The following GCNT1 variants were observed in gnomAD, a reference collection of about 807,000 sequenced individuals.
GCNT1 encodes the protein glucosaminyl (N-acetyl) transferase 1.
Under a neutral mutation model 26.2 loss-of-function variants are expected in GCNT1, and 16 were observed. The observed-to-expected ratio is 0.61, with a 90% CI of 0.41 to 0.93. GCNT1 has a LOEUF of 0.93. GCNT1 is among the 40% of genes least tolerant of loss of function. The pLI is 0.00. For synonymous variants in GCNT1, 183 were observed against 190.8 expected (o/e 0.96, Z 0.34); for missense variants, 477 against 526.7 (o/e 0.91, Z 0.92).
At chr9:76,456,534 A>G (rs1391242891), upstream of GCNT1, among the ~76,000 whole-genome samples, 10 of 152,160 alleles carry the variant, frequency 6.6e-5, no homozygotes, top group African/African-American at 4.8e-5. Context: ...TGCCTTGCCA[A>G]TCTTCATGAC....
chr9:76,427,194 A>G (rs960508324), intron 1 of GCNT1, among the ~76,000 whole-genome samples: 1 of 125,572 alleles, frequency 8.0e-6, no homozygotes, highest in African/African-American at 3.0e-5. Context: ...AATTCTGCCA[A>G]CACCTTTTTT....
chr9:76,430,654 G>C (rs964361446), intron 1 of GCNT1, among the ~76,000 whole-genome samples: 2 of 151,938 alleles, frequency 1.3e-5, no homozygotes, highest in African/African-American at 4.8e-5. Flanking sequence ...CCAAAGTGCT[G>C]GGATTACAAG....
At chr9:76,425,093 C>T (rs771546161) in intron 1 of GCNT1, among the ~76,000 whole-genome samples, 5 of 131,346 alleles carry the variant, frequency 3.8e-5, no homozygotes, top group African/African-American at 5.8e-5. Context: ...GAGCCGAGAT[C>T]GTGCCACTGC....
At chr9:76,439,157 A>G (rs1158500881), upstream of GCNT1, among the ~76,000 whole-genome samples, 1 of 152,052 alleles carries the variant, frequency 6.6e-6, no homozygotes, top group East Asian at 1.9e-4. Flanking sequence ...AACTTGTTAG[A>G]ATTCCTCACC....
intron 1 of GCNT1, among the ~76,000 whole-genome samples, chr9:76,427,487 A>C (rs1042679134): frequency 2.0e-5 from 3 of 152,082 alleles, no homozygotes; most frequent in African/African-American, 7.2e-5. Context: ...GCCAGGGGTA[A>C]TATACTTCTG....
intron 2 of GCNT1, among the ~76,000 whole-genome samples, chr9:76,483,414 A>C (rs7047156): frequency 2.1e-5 from 3 of 144,930 alleles, no homozygotes; most frequent in Non-Finnish European, 3.1e-5. Flanking sequence ...TTTTTTTTTT[A>C]TTGTTTTTTG....
the GCNT1 span, chr9:76,393,911 A>C: frequency 1.7e-6 from 1 of 595,310 alleles, no homozygotes; most frequent in Non-Finnish European, 2.8e-6. Context: ...AAGCAGGGAC[A>C]AGCTCCCTCA....
At chr9:76,400,719 C>T in the GCNT1 span, among the ~76,000 whole-genome samples, 1 of 152,168 alleles carries the variant, frequency 6.6e-6, no homozygotes, top group Non-Finnish European at 1.5e-5. Context: ...GCAAGGGAAC[C>T]CTGTGAGTCA....
intron 1 of GCNT1, among the ~76,000 whole-genome samples, chr9:76,424,075 T>G (rs1823231693): frequency 1.3e-5 from 2 of 152,220 alleles, no homozygotes; most frequent in Admixed American, 1.3e-4. Flanking sequence ...TTTTCTGAAC[T>G]GTGATGTTGC....
At chr9:76,456,931 C>T (rs936906248), upstream of GCNT1, among the ~76,000 whole-genome samples, 9 of 152,152 alleles carry the variant, frequency 5.9e-5, no homozygotes, top group Admixed American at 2.0e-4. Flanking sequence ...GCTGTGATTG[C>T]GCCACTGTGC....
upstream of GCNT1, among the ~76,000 whole-genome samples, chr9:76,441,360 G>C (rs1221555100): frequency 6.6e-6 from 1 of 152,040 alleles, no homozygotes; most frequent in Admixed American, 6.5e-5. Context: ...TGGCCAGGCT[G>C]GTCTCAAACT....
At chr9:76,436,292 T>A (rs1209668668) in intron 1 of GCNT1, among the ~76,000 whole-genome samples, 3 of 151,708 alleles carry the variant, frequency 2.0e-5, no homozygotes, top group African/African-American at 2.4e-5. Flanking sequence ...CCACAAGTGG[T>A]GGGAATTTGG....
At chr9:76,423,091 C>A (rs962071040) in intron 1 of GCNT1, among the ~76,000 whole-genome samples, 1 of 152,188 alleles carries the variant, frequency 6.6e-6, no homozygotes, top group Non-Finnish European at 1.5e-5. Context: ...CAGGACATAA[C>A]CCCATTGTAA....
chr9:76,468,027 C>G (rs889588789), intron 2 of GCNT1, among the ~76,000 whole-genome samples: 1 of 150,760 alleles, frequency 6.6e-6, no homozygotes, highest in African/African-American at 2.5e-5. Context: ...CTGCCTCAGC[C>G]TTCTGAGTAG....
the GCNT1 span, among the ~76,000 whole-genome samples, chr9:76,408,878 G>A: frequency 2.6e-5 from 4 of 151,962 alleles, no homozygotes; most frequent in Non-Finnish European, 4.4e-5. Flanking sequence ...TAGTAGAGAC[G>A]GGGTTTCACC....
At position 76,503,847 on chromosome 9, in the gene GCNT1, T is replaced by G. The variant is rs1304724050; in HGVS notation, c.*179T>G. On this transcript the variant is annotated 3_prime_UTR_variant, in exon 4 of 4. Transcript: ENST00000376730. ...TGCAGAGCACAGTTAGCTAGAAAGG[T>G]GATAGCATTAAATGTTCATCTAGAG... The G allele has an allele frequency of 6.5e-6, 4 of 617,150 alleles. No homozygotes were observed. The highest frequency in any genetic ancestry group is 1.2e-5 in the Non-Finnish European group (4 of 339,816). The allele number at this position is 617,150 out of a possible 1,614,324, so 38.2% of individuals were successfully genotyped here.
rs771787063 is a variant in GCNT1, at chr9:76,504,762, G to A, written c.*1094G>A. 2.4e-6 allele frequency: 1 copy of A among 413,362 alleles called. No homozygotes were observed. Among genetic ancestry groups the A allele is most frequent in the African/African-American group, 2.1e-5 (1 of 48,620 alleles). 25.6% of individuals were successfully genotyped at this position (413,362 alleles called of 1,614,324 possible). On this transcript the variant is annotated 3_prime_UTR_variant, in exon 4 of 4. Transcript: ENST00000376730. ...TGTCACCTGTATATTCATTTGAAAGGACTTGGCCCTGTTCTTGGGTCTTCC... is the reference window on the plus strand; with the variant it reads ...TGTCACCTGTATATTCATTTGAAAGAACTTGGCCCTGTTCTTGGGTCTTCC...
At chr9:76,426,193 G>C (rs1001284677) in intron 1 of GCNT1, among the ~76,000 whole-genome samples, 3 of 152,146 alleles carry the variant, frequency 2.0e-5, no homozygotes, top group Admixed American at 6.6e-5. Flanking sequence ...AAGTTAGTTC[G>C]TCCTGCGCTC....
At chr9:76,497,864 T>TATTCA in intron 2 of GCNT1, among the ~76,000 whole-genome samples, 1 of 152,166 alleles carries the variant, frequency 6.6e-6, no homozygotes, top group East Asian at 1.9e-4. Context: ...CTTTATTGAA[T>TATTCA]ATTCACATAC....
Sources: gnomAD v4.1 joint callset for allele counts (sites outside exome capture counted in the v4.1 genomes callset) on GRCh38, gnomAD v4.1.1 for gene constraint, MANE v1.5 for transcripts, NCBI Gene and HGNC (gene_info 2026-07-23, HGNC 2026-07-21) for gene names.